The following ZFAT variants were observed in gnomAD, a reference collection of about 807,000 sequenced individuals.
ZFAT encodes zinc finger and AT-hook domain containing.
ZFAT carries 64 observed loss-of-function variants against 117.7 expected under a neutral mutation model. That is an observed-to-expected ratio of 0.54 (90% CI 0.44 to 0.67). The LOEUF is 0.67. ZFAT is among the 30% of genes least tolerant of loss of function. The probability of loss-of-function intolerance (pLI) is 0.00; values close to 1 mark genes in which losing one functional copy is unlikely to be tolerated. For synonymous variants in ZFAT, 679 were observed against 615.0 expected (o/e 1.10, Z -1.54); for missense variants, 1,433 against 1,584.5 (o/e 0.90, Z 1.62).
At chr8:134,803,891 T>C in the ZFAT span, among the ~76,000 whole-genome samples, 1 of 152,222 alleles carries the variant, frequency 6.6e-6, no homozygotes, top group African/African-American at 2.4e-5. Flanking sequence ...GCAAGACCTT[T>C]ATCTTTTGGT....
At chr8:134,791,440 G>C in the ZFAT span, among the ~76,000 whole-genome samples, 2 of 152,134 alleles carry the variant, frequency 1.3e-5, no homozygotes, top group Admixed American at 1.3e-4. Flanking sequence ...CATCCACCTA[G>C]GTCAGTGTAC....
chr8:134,709,650 C>A (rs1813912776), intron 1 of ZFAT, among the ~76,000 whole-genome samples: 1 of 152,212 alleles, frequency 6.6e-6, no homozygotes, highest in Admixed American at 6.5e-5. Flanking sequence ...ATGCTTGAAA[C>A]TATCTACAAA....
chr8:134,579,656 G>A (rs1161626840), intron 10 of ZFAT, among the ~76,000 whole-genome samples: 1 of 152,040 alleles, frequency 6.6e-6, no homozygotes, highest in East Asian at 1.9e-4. Context: ...ATCACCTAAG[G>A]TGTCAAGAAA....
chr8:134,771,558 T>G, the ZFAT span, among the ~76,000 whole-genome samples: 1 of 152,194 alleles, frequency 6.6e-6, no homozygotes, highest in Non-Finnish European at 1.5e-5. Context: ...CAGCCTGAAT[T>G]TTATTGTCCA....
the ZFAT span, among the ~76,000 whole-genome samples, chr8:134,729,291 T>G: frequency 6.6e-6 from 1 of 152,206 alleles, no homozygotes; most frequent in Non-Finnish European, 1.5e-5. Context: ...TGGCTGGATT[T>G]GGGCTGCCCC....
intron 12 of ZFAT, among the ~76,000 whole-genome samples, chr8:134,525,440 C>T (rs1221502024): frequency 6.6e-6 from 1 of 152,274 alleles, no homozygotes; most frequent in Non-Finnish European, 1.5e-5. Flanking sequence ...TTAGGGTACT[C>T]GGGAAGAAAT....
At chr8:134,739,317 G>GTA in the ZFAT span, among the ~76,000 whole-genome samples, 2 of 135,478 alleles carry the variant, frequency 1.5e-5, no homozygotes, top group Non-Finnish European at 3.2e-5. Context: ...GTGTGTGTGT[G>GTA]TACACATGCA....
chr8:134,723,391 C>T, the ZFAT span: 1 of 152,256 alleles, frequency 6.6e-6, no homozygotes, highest in Non-Finnish European at 1.5e-5. Flanking sequence ...AAGGTGTGGG[C>T]AGGGTTTTGG....
At chr8:134,622,088 A>C (rs1026506357) in intron 3 of ZFAT, among the ~76,000 whole-genome samples, 11 of 152,366 alleles carry the variant, frequency 7.2e-5, no homozygotes, top group Admixed American at 3.9e-4. Context: ...CACTGGCTGC[A>C]TGCCAGTCTG....
At chr8:134,541,692 T>C (rs1028135248) in intron 11 of ZFAT, among the ~76,000 whole-genome samples, 2 of 152,104 alleles carry the variant, frequency 1.3e-5, no homozygotes, top group African/African-American at 4.8e-5. Context: ...GTGTCTGAGT[T>C]TGAGGAATGA....
the ZFAT span, among the ~76,000 whole-genome samples, chr8:134,744,223 T>C: frequency 6.6e-6 from 1 of 152,028 alleles, no homozygotes; most frequent in Admixed American, 6.6e-5. Flanking sequence ...ACCGTATGAC[T>C]GAGGCCCCCA....
At chr8:134,811,224 T>C in the ZFAT span, among the ~76,000 whole-genome samples, 6 of 152,030 alleles carry the variant, frequency 3.9e-5, no homozygotes, top group African/African-American at 7.2e-5. Flanking sequence ...AATGAAGGAA[T>C]GATCAGTAAC....
At chr8:134,622,221 C>T (rs1829168004) in intron 3 of ZFAT, among the ~76,000 whole-genome samples, 1 of 152,222 alleles carries the variant, frequency 6.6e-6, no homozygotes, top group Non-Finnish European at 1.5e-5. Context: ...CCTTTCTCCC[C>T]CTACCACCTA....
At chr8:134,649,295 A>C (rs1007195651) in intron 2 of ZFAT, among the ~76,000 whole-genome samples, 1 of 152,054 alleles carries the variant, frequency 6.6e-6, no homozygotes, top group Non-Finnish European at 1.5e-5. Context: ...TCAACCCTGT[A>C]CTGGAGTTTC....
the ZFAT span, among the ~76,000 whole-genome samples, chr8:134,786,973 C>G: frequency 6.6e-6 from 1 of 151,874 alleles, no homozygotes; most frequent in African/African-American, 2.4e-5. Context: ...CCCAGCCTGC[C>G]AAGTAACTGG....
chr8:134,651,891 T>TA lies in ZFAT; in HGVS notation c.196+5669dup, dbSNP rs1333628409. On this transcript the variant is annotated intron_variant, in intron 2 of 15. Coordinates refer to ENST00000377838, the MANE Select transcript of ZFAT (RefSeq NM_020863.4). Reference sequence around the variant, plus strand: ...AAAGAGACTAGGGAATTAAAGCACTTAAAGTCAGATTGACAGCTGGCATCC... The same window carrying TA: ...AAAGAGACTAGGGAATTAAAGCACTTAAAAGTCAGATTGACAGCTGGCATCC... Among the ~76,000 whole-genome samples, 6 of 152,058 alleles carry TA rather than the reference T, an allele frequency of 3.9e-5. 1 individual carries two copies. In the East Asian group the frequency reaches 5.8e-4, roughly 15 times the overall value.
At chr8:134,808,049 T>G in the ZFAT span, among the ~76,000 whole-genome samples, 7 of 152,214 alleles carry the variant, frequency 4.6e-5, no homozygotes, top group Non-Finnish European at 8.8e-5. Flanking sequence ...CTTTTAAGGG[T>G]AGTAGCAGAG....
At chr8:134,806,169 A>G in the ZFAT span, among the ~76,000 whole-genome samples, 39 of 152,254 alleles carry the variant, frequency 2.6e-4, no homozygotes, top group African/African-American at 8.9e-4. Context: ...GAAGAAAACC[A>G]ATATACAAAT....
At chr8:134,520,731 C>T (rs570027640) in intron 13 of ZFAT, among the ~76,000 whole-genome samples, 152 bp downstream of exon 13, 3 of 152,248 alleles carry the variant, frequency 2.0e-5, no homozygotes, top group East Asian at 1.9e-4. Context: ...ACCCCTCAGA[C>T]GCGAGACATC....
Sources: allele counts gnomAD v4.1 joint callset (sites outside exome capture counted in the v4.1 genomes callset), GRCh38; gene constraint gnomAD v4.1.1; transcripts MANE v1.5; gene names NCBI Gene and HGNC (gene_info 2026-07-23, HGNC 2026-07-21).